The following HDAC9 variants were observed in gnomAD, a reference collection of about 807,000 sequenced individuals.
HDAC9 encodes the protein histone deacetylase 9, also known as MEF-2 interacting transcription repressor (MITR) protein.
HDAC9 carries 41 observed loss-of-function variants against 139.4 expected under a neutral mutation model. The observed-to-expected ratio is 0.29, with a 90% confidence interval of 0.23 to 0.38. The LOEUF is 0.38. Among genes scored for constraint, HDAC9 ranks in the 10% least tolerant of loss-of-function variants. HDAC9 has a pLI of 1.00. For missense variants in HDAC9, 1,147 were observed against 1,297.0 expected (o/e 0.88, Z 1.78); for synonymous variants, 517 against 476.2 (o/e 1.09, Z -1.12).
At chr7:18,350,382 C>G (rs543743156) in intron 1 of HDAC9, among the ~76,000 whole-genome samples, 1 of 152,176 alleles carries the variant, frequency 6.6e-6, no homozygotes, top group African/African-American at 2.4e-5. Context: ...CATTTAGCAA[C>G]TGTCAGTGAC....
At position 18,820,784 on chromosome 7, in the gene HDAC9, A is replaced by G. The variant is rs141736287; in HGVS notation, c.2323-8377A>G. Among the ~76,000 whole-genome samples, 39 of 152,334 alleles carry G rather than the reference A, an allele frequency of 2.6e-4. No individual in the cohort carries two copies. In the East Asian group the frequency reaches 7.3e-3, roughly 29 times the overall value. ...GTGGGGAGGAGGACATTAATCGTGT[A>G]ATAAACATAATAACAACAAATGTAT... On this transcript the variant is annotated intron_variant, in intron 17 of 25. Coordinates refer to ENST00000686413, the MANE Select transcript of HDAC9 (RefSeq NM_178425.4).
intron 1 of HDAC9, among the ~76,000 whole-genome samples, chr7:18,451,704 G>A (rs944272142): frequency 6.6e-6 from 1 of 151,958 alleles, no homozygotes; most frequent in African/African-American, 2.4e-5. Context: ...GCTTCGGCGG[G>A]GGTTGGGTGG....
At chr7:18,452,521 G>GTCT (rs1792966649) in intron 1 of HDAC9, among the ~76,000 whole-genome samples, 1 of 152,088 alleles carries the variant, frequency 6.6e-6, no homozygotes, top group East Asian at 1.9e-4. Flanking sequence ...CATGTGAACA[G>GTCT]TCTTATAAGA....
intron 2 of HDAC9, among the ~76,000 whole-genome samples, chr7:18,504,775 G>C (rs988580361): frequency 1.3e-5 from 2 of 152,084 alleles, no homozygotes; most frequent in African/African-American, 4.8e-5. Context: ...CAGCAATATT[G>C]GTGTTTTACA....
At chr7:18,972,367 CTCT>C (rs1784294453) in intron 24 of HDAC9, among the ~76,000 whole-genome samples, 1 of 114,812 alleles carries the variant, frequency 8.7e-6, no homozygotes, top group Non-Finnish European at 1.8e-5. Flanking sequence ...CGATGAACTT[CTCT>C]TTTTTTTTTT....
chr7:18,234,074 A>C (rs1345518611), intron 2 of HDAC9, among the ~76,000 whole-genome samples: 4 of 152,192 alleles, frequency 2.6e-5, no homozygotes, highest in Non-Finnish European at 5.9e-5. Context: ...CAGTTTGCCT[A>C]GCTGGGTGAT....
At chr7:18,643,666 C>A (rs1268302633) in intron 8 of HDAC9, among the ~76,000 whole-genome samples, 1 of 152,032 alleles carries the variant, frequency 6.6e-6, no homozygotes, top group African/African-American at 2.4e-5. Context: ...CTACAGCTCC[C>A]CCAAACATGC....
chr7:18,977,948 ACACAC>A (rs1784654578), intron 25 of HDAC9, among the ~76,000 whole-genome samples: 2 of 151,564 alleles, frequency 1.3e-5, no homozygotes, highest in Non-Finnish European at 2.9e-5. Flanking sequence ...ACACACACAC[ACACAC>A]ACACACAGAA....
At chr7:18,185,393 A>G (rs1338553401) in intron 2 of HDAC9, among the ~76,000 whole-genome samples, 1 of 152,218 alleles carries the variant, frequency 6.6e-6, no homozygotes, top group African/African-American at 2.4e-5. Flanking sequence ...AATGTTGAGG[A>G]CTGCTATTAA....
chr7:18,823,414 A>G (rs1795134471), intron 17 of HDAC9, among the ~76,000 whole-genome samples: 1 of 152,134 alleles, frequency 6.6e-6, no homozygotes, highest in Admixed American at 6.5e-5. Flanking sequence ...TGTGGTTGTG[A>G]ATTTAGACAA....
At chr7:18,541,604 C>G (rs1563206127) in intron 2 of HDAC9, among the ~76,000 whole-genome samples, 1 of 152,108 alleles carries the variant, frequency 6.6e-6, no homozygotes, top group Non-Finnish European at 1.5e-5. Context: ...TGGTGACAAA[C>G]ATAATAATTA....
intron 12 of HDAC9, among the ~76,000 whole-genome samples, chr7:18,707,607 C>CT (rs1273623172): frequency 1.3e-5 from 2 of 152,054 alleles, no homozygotes; most frequent in Admixed American, 6.6e-5. Flanking sequence ...GACACCTGCT[C>CT]TTTTTTTAGG....
intron 17 of HDAC9, among the ~76,000 whole-genome samples, chr7:18,816,599 G>A (rs1368842169): frequency 1.3e-5 from 2 of 152,212 alleles, no homozygotes; most frequent in African/African-American, 2.4e-5. Context: ...AAAACCAAGG[G>A]AGGTGATGCA....
intron 2 of HDAC9, among the ~76,000 whole-genome samples, chr7:18,555,496 G>A (rs1818517321): frequency 6.6e-6 from 1 of 152,110 alleles, no homozygotes; most frequent in African/African-American, 2.4e-5. Flanking sequence ...TTCTGAAATA[G>A]ATGGAGATTG....
intron 1 of HDAC9, among the ~76,000 whole-genome samples, chr7:18,467,990 T>C (rs1225538666): frequency 6.6e-6 from 1 of 152,160 alleles, no homozygotes; most frequent in Admixed American, 6.5e-5. Context: ...GTTTTTTTCT[T>C]CATGGTTAGA....
At chr7:18,969,392 C>G (rs1784104972) in intron 24 of HDAC9, among the ~76,000 whole-genome samples, 1 of 152,164 alleles carries the variant, frequency 6.6e-6, no homozygotes, top group Non-Finnish European at 1.5e-5. Flanking sequence ...CTCAAAAGTA[C>G]TTTGCTAATT....
intron 1 of HDAC9, among the ~76,000 whole-genome samples, chr7:18,351,534 A>G (rs1228000129): frequency 1.3e-5 from 2 of 152,170 alleles, no homozygotes; most frequent in Admixed American, 1.3e-4. Flanking sequence ...ATGGGAGGGA[A>G]GATATATATA....
chr7:18,482,778 A>G (rs1030643904), intron 1 of HDAC9, among the ~76,000 whole-genome samples: 51 of 152,294 alleles, frequency 3.3e-4, no homozygotes, highest in African/African-American at 1.1e-3. Context: ...GCCTGGCTCT[A>G]CAGCTCATGG....
chr7:18,683,658 G>T (rs143371140), intron 12 of HDAC9, among the ~76,000 whole-genome samples: 1 of 152,078 alleles, frequency 6.6e-6, no homozygotes, highest in Admixed American at 6.6e-5. Flanking sequence ...TTATTGAAGC[G>T]CTTGCTTACT....
Sources: allele counts gnomAD v4.1 joint callset (sites outside exome capture counted in the v4.1 genomes callset), GRCh38; gene constraint gnomAD v4.1.1; transcripts MANE v1.5; gene names NCBI Gene and HGNC (gene_info 2026-07-23, HGNC 2026-07-21).